Variants in FAM81A observed in about 807,000 individuals in gnomAD.
FAM81A encodes the protein family with sequence similarity 81 member A, also known as protein FAM81A.
FAM81A carries 19 observed loss-of-function variants against 46.7 expected under a neutral mutation model. That is an observed-to-expected ratio of 0.41 (90% CI 0.28 to 0.60). The LOEUF (loss-of-function observed/expected upper bound fraction) is 0.60. FAM81A is among the 20% of genes least tolerant of loss of function. The pLI, the probability that FAM81A is intolerant of heterozygous loss-of-function variation, is 0.34. For synonymous variants in FAM81A, 183 were observed against 152.9 expected (o/e 1.20, Z -1.45); for missense variants, 377 against 453.5 (o/e 0.83, Z 1.53).
intron 4 of FAM81A, among the ~76,000 whole-genome samples, chr15:59,500,794 CT>C (rs1449264933): frequency 1.3e-5 from 2 of 151,932 alleles, no homozygotes; most frequent in Non-Finnish European, 2.9e-5. Context: ...TGTTGAGCCC[CT>C]CTATCAATTT....
At chr15:59,436,262 G>A (rs1219778779), upstream of FAM81A, among the ~76,000 whole-genome samples, 6 of 152,146 alleles carry the variant, frequency 3.9e-5, no homozygotes, top group Non-Finnish European at 8.8e-5. Flanking sequence ...TCAAAGTTCA[G>A]TTTTGATGGC....
In FAM81A at chr15:59,514,272, C is replaced by A; in HGVS notation, c.651-17C>A. 2 of 1,544,286 alleles carry A rather than the reference C, an allele frequency of 1.3e-6. No individual in the cohort carries two copies. The highest frequency in any genetic ancestry group is 1.7e-6 in the Non-Finnish European group (2 of 1,147,324). On this transcript the variant is annotated splice_polypyrimidine_tract_variant and intron_variant, in intron 6 of 8. Transcript: ENST00000288228. The stretch of plus-strand genomic sequence containing the variant: ...AATAAACTGTTTTACATCTAACTTG[C>A]AATTTTTTTTTTTTAGATTTAAAGG...
intron 4 of FAM81A, among the ~76,000 whole-genome samples, chr15:59,502,888 T>TC (rs1331081127): frequency 6.6e-6 from 1 of 152,086 alleles, no homozygotes. Context: ...CCAGCCTGCT[T>TC]CTTTTTTTAC....
At chr15:59,514,085 G>A (rs12591761) in intron 6 of FAM81A, among the ~76,000 whole-genome samples, 4 of 151,402 alleles carry the variant, frequency 2.6e-5, no homozygotes, top group African/African-American at 9.7e-5. Flanking sequence ...GGCATGGGGG[G>A]GGCAAGGGAG....
chr15:59,523,034 G>C lies in FAM81A; in HGVS notation c.*1656G>C, dbSNP rs1282839474. On this transcript the variant is annotated 3_prime_UTR_variant, in exon 9 of 9. Transcript: ENST00000288228. ...TTGTGGTAGCGTACACGTGGTTCAT[G>C]TGGTTCTCCACGTTTAAGCACAAAC... The C allele has an allele frequency of 6.6e-6, 1 of 152,230 alleles. No homozygotes were observed. The highest frequency in any genetic ancestry group is 2.4e-5 in the African/African-American group (1 of 41,450). The allele number at this position is 152,230 out of a possible 1,614,324, so 9.4% of individuals were successfully genotyped here. A position where few individuals can be genotyped will look rare whatever the true frequency, so the allele number is the denominator to read the frequency against.
At chr15:59,509,411 C>G (rs1445896694) in intron 6 of FAM81A, among the ~76,000 whole-genome samples, 1 of 152,140 alleles carries the variant, frequency 6.6e-6, no homozygotes, top group African/African-American at 2.4e-5. Flanking sequence ...ATGTCCTAAT[C>G]CCTGGAAGTT....
At chr15:59,504,112 G>A (rs1372832947) in intron 4 of FAM81A, among the ~76,000 whole-genome samples, 1 of 151,924 alleles carries the variant, frequency 6.6e-6, no homozygotes, top group African/African-American at 2.4e-5. Flanking sequence ...GGAAAATAAT[G>A]TCTTTTAAAA....
chr15:59,417,733 A>T (rs1229959152), intron 2 of FAM81A, among the ~76,000 whole-genome samples: 1 of 152,090 alleles, frequency 6.6e-6, no homozygotes, highest in African/African-American at 2.4e-5. Flanking sequence ...ATACATAAAT[A>T]AATAAAAATA....
chr15:59,401,004 C>A (rs185634459), intron 1 of FAM81A, among the ~76,000 whole-genome samples: 63 of 152,270 alleles, frequency 4.1e-4, no homozygotes, highest in African/African-American at 1.5e-3. Context: ...CTTTTCTAAC[C>A]TTTGCAGATA....
At chr15:59,478,051 G>T (rs1567061198) in intron 3 of FAM81A, among the ~76,000 whole-genome samples, 1 of 152,196 alleles carries the variant, frequency 6.6e-6, no homozygotes, top group African/African-American at 2.4e-5. Context: ...TGGAAGCCGA[G>T]CCCTGGTGAG....
chr15:59,435,073 G>A (rs1224381322), upstream of FAM81A, among the ~76,000 whole-genome samples: 1 of 152,220 alleles, frequency 6.6e-6, no homozygotes, highest in African/African-American at 2.4e-5. Context: ...TGGATCACGA[G>A]GTTAAGAGAT....
At chr15:59,445,832 A>G (rs771462136) in intron 1 of FAM81A, among the ~76,000 whole-genome samples, 1 of 152,156 alleles carries the variant, frequency 6.6e-6, no homozygotes, top group Non-Finnish European at 1.5e-5. Flanking sequence ...TCCTTTTTTA[A>G]CATTTGGTAA....
At chr15:59,450,920 C>G (rs2081411111) in intron 1 of FAM81A, among the ~76,000 whole-genome samples, 1 of 152,204 alleles carries the variant, frequency 6.6e-6, no homozygotes, top group South Asian at 2.1e-4. Flanking sequence ...GTTGGCTGGT[C>G]TCTGGATGCT....
upstream of FAM81A, among the ~76,000 whole-genome samples, chr15:59,436,192 C>T (rs1358096060): frequency 6.6e-6 from 1 of 152,198 alleles, no homozygotes; most frequent in Non-Finnish European, 1.5e-5. Flanking sequence ...AGCCCCTCAC[C>T]TTCCAGGTCC....
intron 6 of FAM81A, among the ~76,000 whole-genome samples, chr15:59,510,379 AAAAAG>A (rs2141825650): frequency 6.6e-6 from 1 of 151,882 alleles, no homozygotes; most frequent in East Asian, 1.9e-4. Context: ...AAAAAAAAAA[AAAAAG>A]AAAGCCAACT....
At chr15:59,487,403 G>C (rs2081930925) in intron 3 of FAM81A, among the ~76,000 whole-genome samples, 1 of 150,778 alleles carries the variant, frequency 6.6e-6, no homozygotes, top group South Asian at 2.1e-4. Context: ...GTAGAAGAAA[G>C]GAAATAATGA....
upstream of FAM81A, among the ~76,000 whole-genome samples, chr15:59,433,191 C>G (rs1339968582): frequency 1.7e-5 from 1 of 59,888 alleles, no homozygotes; most frequent in Non-Finnish European, 4.3e-5. Flanking sequence ...GGTGCAGTGA[C>G]TCACGCCTGT....
chr15:59,449,156 A>G (rs549232253), intron 1 of FAM81A, among the ~76,000 whole-genome samples: 211 of 152,156 alleles, frequency 1.4e-3, no homozygotes, highest in Non-Finnish European at 2.5e-3. Context: ...TGGAATTCCA[A>G]TTTCATGGTC....
chr15:59,455,450 A>G (rs1281350812), intron 1 of FAM81A, among the ~76,000 whole-genome samples: 1 of 152,234 alleles, frequency 6.6e-6, no homozygotes, highest in African/African-American at 2.4e-5. Flanking sequence ...CAGGTAAGCC[A>G]GAATTAACAA....
Sources: allele counts gnomAD v4.1 joint callset (sites outside exome capture counted in the v4.1 genomes callset), GRCh38; gene constraint gnomAD v4.1.1; transcripts MANE v1.5; gene names NCBI Gene and HGNC (gene_info 2026-07-23, HGNC 2026-07-21).